ATPSCKMT: variants seen among roughly 807,000 people sequenced by gnomAD.
ATPSCKMT encodes the protein ATP synthase subunit C lysine N-methyltransferase.
ATPSCKMT carries 24 observed loss-of-function variants against 24.3 expected under a neutral mutation model. That is an observed-to-expected ratio of 0.99 (90% CI 0.71 to 1.39). The LOEUF (loss-of-function observed/expected upper bound fraction) is 1.39, where lower values mean the gene tolerates loss of function less well. Among genes scored for constraint, ATPSCKMT ranks in the 40% most tolerant of loss-of-function variants. ATPSCKMT has a pLI of 0.00. For synonymous variants in ATPSCKMT, 95 were observed against 110.5 expected, an observed-to-expected ratio of 0.86 and a Z score of 0.88; for missense variants, 311 against 298.4, an observed-to-expected ratio of 1.04 and a Z score of -0.31.
At chr5:10,232,909 T>C (rs1215902875) in intron 4 of ATPSCKMT, among the ~76,000 whole-genome samples, 1 of 152,238 alleles carries the variant, frequency 6.6e-6, no homozygotes, top group Non-Finnish European at 1.5e-5. Flanking sequence ...ATGCTCTCAG[T>C]GCGTAAGCTC....
chr5:10,241,858 T>C (rs377094469), intron 1 of ATPSCKMT, among the ~76,000 whole-genome samples: 1 of 152,250 alleles, frequency 6.6e-6, no homozygotes, highest in African/African-American at 2.4e-5. Flanking sequence ...TACACTATAC[T>C]GGAGTCTATT....
chr5:10,244,482 C>T (rs1322693262), intron 1 of ATPSCKMT: 3 of 151,968 alleles, frequency 2.0e-5, no homozygotes, highest in African/African-American at 7.3e-5. Flanking sequence ...TCGCTTGAGC[C>T]CGGGAATTTG....
chr5:10,229,816 T>C (rs555343626), intron 4 of ATPSCKMT, among the ~76,000 whole-genome samples: 8 of 152,390 alleles, frequency 5.2e-5, no homozygotes, highest in African/African-American at 1.9e-4. Flanking sequence ...CCTTGTGTAT[T>C]CGAATGCTCG....
chr5:10,248,262 A>G (rs1029006830), intron 1 of ATPSCKMT: 2 of 152,228 alleles, frequency 1.3e-5, no homozygotes, highest in African/African-American at 4.8e-5. Context: ...TTTGACATAC[A>G]TGAGCTATTG....
intron 4 of ATPSCKMT, among the ~76,000 whole-genome samples, chr5:10,233,460 C>T (rs572606214): frequency 4.6e-5 from 7 of 152,214 alleles, no homozygotes; most frequent in Non-Finnish European, 8.8e-5. Context: ...GCTCCCCTTT[C>T]TCCTTGGGAA....
At chr5:10,230,629 T>C (rs1296243800) in intron 4 of ATPSCKMT, among the ~76,000 whole-genome samples, 3 of 152,238 alleles carry the variant, frequency 2.0e-5, no homozygotes, top group Non-Finnish European at 4.4e-5. Context: ...CATACAATTA[T>C]AGGTTTCAAA....
chr5:10,227,854 T>C (rs1369859992), intron 4 of ATPSCKMT, among the ~76,000 whole-genome samples: 2 of 152,242 alleles, frequency 1.3e-5, no homozygotes, highest in Non-Finnish European at 2.9e-5. Flanking sequence ...CCTTCTAGTA[T>C]TAATTATAAA....
intron 1 of ATPSCKMT, chr5:10,248,638 C>T (rs932215111): frequency 6.6e-6 from 1 of 152,284 alleles, no homozygotes; most frequent in African/African-American, 2.4e-5. Context: ...AAACTGAACT[C>T]CTGGGCTCCA....
At chr5:10,237,082 T>C (rs758333887) in intron 2 of ATPSCKMT, 117 of 1,192,848 alleles carry the variant, frequency 9.8e-5, no homozygotes, top group Non-Finnish European at 1.3e-4. Flanking sequence ...ATTTCCTTTG[T>C]AGTTAATGAC....
At chr5:10,233,195 T>C (rs916934753) in intron 4 of ATPSCKMT, among the ~76,000 whole-genome samples, 5 of 152,142 alleles carry the variant, frequency 3.3e-5, no homozygotes, top group African/African-American at 1.2e-4. Flanking sequence ...TCACATGGCA[T>C]GCTGGCTTTG....
intron 2 of ATPSCKMT, among the ~76,000 whole-genome samples, chr5:10,237,725 C>G (rs1022047689): frequency 1.3e-5 from 2 of 151,722 alleles, no homozygotes; most frequent in Non-Finnish European, 2.9e-5. Flanking sequence ...ATGTCTTTAT[C>G]AGCAGCATGA....
At chr5:10,235,601 C>T (rs374701678) in intron 3 of ATPSCKMT, among the ~76,000 whole-genome samples, 1 of 152,148 alleles carries the variant, frequency 6.6e-6, no homozygotes, top group Non-Finnish European at 1.5e-5. Context: ...CTGGTGGCAC[C>T]GGGGCCACGT....
In ATPSCKMT at chr5:10,249,886, AAC is replaced by A. The variant is rs779971570; in HGVS notation, c.-15_-14del. On this transcript the variant is annotated 5_prime_UTR_variant, in exon 1 of 5. Transcript: ENST00000511437. ...CTCCTCCCTCCATCGCGAGATTTCC[AAC>A]AGCGTTTTTAAAAAAAAAAAAAAAA... 3 of 1,301,008 alleles carry A rather than the reference AAC, an allele frequency of 2.3e-6. No individual in the cohort carries two copies. In the African/African-American group the frequency reaches 5.7e-5, roughly 25 times the overall value. The allele number at this position is 1,301,008 out of a possible 1,614,324, so 80.6% of individuals were successfully genotyped here.
chr5:10,244,042 G>T (rs1162271643), intron 1 of ATPSCKMT, among the ~76,000 whole-genome samples: 1 of 152,200 alleles, frequency 6.6e-6, no homozygotes, highest in Non-Finnish European at 1.5e-5. Flanking sequence ...GGAGCCCATT[G>T]TAGGGTTATT....
chr5:10,232,083 T>C (rs1019596434), intron 4 of ATPSCKMT, among the ~76,000 whole-genome samples: 2 of 152,090 alleles, frequency 1.3e-5, no homozygotes, highest in African/African-American at 4.8e-5. Context: ...CACGCCTGTA[T>C]TCCCAGCGAC....
At chr5:10,228,568 C>G (rs567278540) in intron 4 of ATPSCKMT, among the ~76,000 whole-genome samples, 11 of 152,184 alleles carry the variant, frequency 7.2e-5, no homozygotes, top group Non-Finnish European at 1.0e-4. Flanking sequence ...CCTTCACATC[C>G]TAAAAATAAT....
chr5:10,234,635 A>G (rs1174756565), intron 4 of ATPSCKMT, among the ~76,000 whole-genome samples: 1 of 152,250 alleles, frequency 6.6e-6, no homozygotes, highest in Non-Finnish European at 1.5e-5. Flanking sequence ...TGCACCAGCA[A>G]TACAGCAAAA....
rs767986624 is a variant in ATPSCKMT, at chr5:10,235,250, C to T, written c.456G>A (p.Ser152=). The change falls in exon 4 of 5, where the codon TCG becomes TCA. Residue 152 remains serine, a synonymous_variant. Transcript: ENST00000511437. The stretch of plus-strand genomic sequence containing the variant: ...CGAAAATAACAACGTTCGAGTACTG[C>T]GAAAAAGTAACCTGAACAAGGTGGG... ...YISDLWKVTF[S]QYSNVVIFGV... 78 of 1,613,214 alleles carry T rather than the reference C, an allele frequency of 4.8e-5. No homozygotes were observed. Among genetic ancestry groups the T allele is most frequent in the Non-Finnish European group, 6.4e-5 (75 of 1,179,480 alleles).
chr5:10,240,390 A>C (rs1276419973), intron 1 of ATPSCKMT, among the ~76,000 whole-genome samples: 2 of 152,202 alleles, frequency 1.3e-5, no homozygotes, highest in Non-Finnish European at 2.9e-5. Flanking sequence ...TGGGATCTCA[A>C]GATTTTGAAA....
Sources: allele counts gnomAD v4.1 joint callset (sites outside exome capture counted in the v4.1 genomes callset), GRCh38; gene constraint gnomAD v4.1.1; transcripts MANE v1.5; gene names NCBI Gene and HGNC (gene_info 2026-07-23, HGNC 2026-07-21).